Variants in AGBL4 observed in about 807,000 individuals in gnomAD.
AGBL4 encodes AGBL carboxypeptidase 4.
AGBL4 carries 58 observed loss-of-function variants against 66.4 expected under a neutral mutation model. The ratio of observed to expected loss-of-function variants is 0.87; its 90% CI spans 0.71 to 1.09. The LOEUF (loss-of-function observed/expected upper bound fraction) is 1.09. Among genes scored for constraint, AGBL4 ranks in the 50% least tolerant of loss-of-function variants. AGBL4 has a pLI of 0.00. For synonymous variants in AGBL4, 234 were observed against 222.9 expected (o/e 1.05, Z -0.44); for missense variants, 579 against 631.0 (o/e 0.92, Z 0.88).
At chr1:49,463,331 T>C (rs1246035616) in intron 3 of AGBL4, among the ~76,000 whole-genome samples, 1 of 151,724 alleles carries the variant, frequency 6.6e-6, no homozygotes, top group African/African-American at 2.4e-5. Flanking sequence ...TTATGCAAGT[T>C]ATCCAGGAAT....
chr1:49,042,148 C>T (rs1260783599), intron 5 of AGBL4, among the ~76,000 whole-genome samples: 10 of 151,942 alleles, frequency 6.6e-5, no homozygotes, highest in Non-Finnish European at 1.0e-4. Flanking sequence ...TGTATATATA[C>T]CTTGTATATA....
intron 5 of AGBL4, among the ~76,000 whole-genome samples, chr1:49,027,501 A>T (rs1487033260): frequency 6.6e-6 from 1 of 152,102 alleles, no homozygotes; most frequent in Non-Finnish European, 1.5e-5. Flanking sequence ...GAAGTCATTT[A>T]AAGCCATTTG....
intron 4 of AGBL4, among the ~76,000 whole-genome samples, chr1:49,077,369 T>C (rs1237761741): frequency 6.6e-6 from 1 of 152,186 alleles, no homozygotes; most frequent in African/African-American, 2.4e-5. Context: ...GAATATTCCA[T>C]ACAATGCGTT....
chr1:48,855,608 C>T (rs1647130546), intron 6 of AGBL4, among the ~76,000 whole-genome samples: 2 of 152,114 alleles, frequency 1.3e-5, no homozygotes, highest in African/African-American at 4.8e-5. Flanking sequence ...TATTAATGGT[C>T]TTTGACCCAA....
At chr1:49,930,030 AG>A (rs1284178224) in intron 1 of AGBL4, among the ~76,000 whole-genome samples, 1 of 152,058 alleles carries the variant, frequency 6.6e-6, no homozygotes, top group Non-Finnish European at 1.5e-5. Context: ...AAAGACTACT[AG>A]TTCTTTAAGA....
intron 1 of AGBL4, among the ~76,000 whole-genome samples, chr1:49,987,022 T>C (rs1659554038): frequency 1.3e-5 from 2 of 152,056 alleles, no homozygotes; most frequent in Admixed American, 6.5e-5. Flanking sequence ...GATGGGTCAC[T>C]TATTCCTCTA....
intron 3 of AGBL4, among the ~76,000 whole-genome samples, chr1:49,574,937 A>G (rs1356708429): frequency 1.3e-5 from 2 of 152,226 alleles, no homozygotes; most frequent in East Asian, 3.9e-4. Flanking sequence ...ACAGAGAATC[A>G]TGGCCCCTCA....
chr1:49,250,440 ATT>A (rs1242148895), intron 3 of AGBL4, among the ~76,000 whole-genome samples: 215 of 122,700 alleles, frequency 1.8e-3, no homozygotes, highest in South Asian at 8.9e-3. Context: ...ACAGGAACTA[ATT>A]TTTTTTTTTT....
intron 9 of AGBL4, among the ~76,000 whole-genome samples, chr1:48,605,907 G>A (rs1205598546): frequency 2.0e-5 from 3 of 151,956 alleles, no homozygotes; most frequent in Admixed American, 2.0e-4. Context: ...CTTGCTATTG[G>A]AACAAAAATA....
At chr1:49,382,482 A>G (rs1338309244) in intron 3 of AGBL4, among the ~76,000 whole-genome samples, 1 of 152,152 alleles carries the variant, frequency 6.6e-6, no homozygotes, top group East Asian at 1.9e-4. Flanking sequence ...TGAAAAAAAA[A>G]GTCAACAAAC....
intron 3 of AGBL4, among the ~76,000 whole-genome samples, chr1:49,264,685 A>G (rs903996419): frequency 6.6e-6 from 1 of 152,012 alleles, no homozygotes; most frequent in Admixed American, 6.6e-5. Context: ...AGCTGGGACT[A>G]CAGTCGCATA....
intron 12 of AGBL4, among the ~76,000 whole-genome samples, chr1:48,536,244 G>A (rs1643968870): frequency 6.6e-6 from 1 of 152,164 alleles, no homozygotes; most frequent in African/African-American, 2.4e-5. Flanking sequence ...AGACATGGAG[G>A]CAAGAAAACA....
chr1:48,678,566 C>G (rs1230861334), intron 6 of AGBL4, among the ~76,000 whole-genome samples: 1 of 152,204 alleles, frequency 6.6e-6, no homozygotes, highest in East Asian at 1.9e-4. Flanking sequence ...CACATGCCCT[C>G]TTTTGGCACA....
intron 1 of AGBL4, among the ~76,000 whole-genome samples, chr1:49,904,513 G>A (rs913452136): frequency 2.0e-5 from 3 of 152,112 alleles, no homozygotes; most frequent in African/African-American, 7.2e-5. Context: ...GGCCAATTAT[G>A]GAGATCCTCA....
At chr1:49,867,635 C>T (rs747996639) in intron 1 of AGBL4, among the ~76,000 whole-genome samples, 2 of 151,750 alleles carry the variant, frequency 1.3e-5, no homozygotes, top group Non-Finnish European at 2.9e-5. Flanking sequence ...GCTTCATAAA[C>T]GAAGGAGAAA....
intron 4 of AGBL4, among the ~76,000 whole-genome samples, chr1:49,141,560 A>G (rs1646118586): frequency 6.6e-6 from 1 of 152,108 alleles, no homozygotes; most frequent in South Asian, 2.1e-4. Flanking sequence ...ACTCTGACAT[A>G]AGACATAAGG....
intron 5 of AGBL4, among the ~76,000 whole-genome samples, chr1:48,996,626 G>C (rs971459446): frequency 5.3e-5 from 8 of 152,152 alleles, no homozygotes; most frequent in African/African-American, 1.9e-4. Context: ...GATGGTCTAA[G>C]ATGATCTTGA....
At chr1:48,888,571 G>A (rs1239372570) in intron 5 of AGBL4, among the ~76,000 whole-genome samples, 1 of 152,120 alleles carries the variant, frequency 6.6e-6, no homozygotes, top group African/African-American at 2.4e-5. Flanking sequence ...GGTGCAAACT[G>A]CCTGCTTCCC....
At chr1:49,732,183 C>T (rs1422549412) in intron 2 of AGBL4, among the ~76,000 whole-genome samples, 1 of 152,190 alleles carries the variant, frequency 6.6e-6, no homozygotes, top group Non-Finnish European at 1.5e-5. Context: ...ACAGCCCTGA[C>T]TGGGACAAGC....
Sources: gnomAD v4.1 joint callset for allele counts (sites outside exome capture counted in the v4.1 genomes callset) on GRCh38, gnomAD v4.1.1 for gene constraint, MANE v1.5 for transcripts, NCBI Gene and HGNC (gene_info 2026-07-23, HGNC 2026-07-21) for gene names.